NXPH1: variants seen among roughly 807,000 people sequenced by gnomAD.
The protein encoded by NXPH1 is neurexophilin-1.
In NXPH1, 5 loss-of-function variants were observed where a neutral mutation model predicts 23.7. The observed-to-expected ratio is 0.21, with a 90% confidence interval of 0.11 to 0.44. The LOEUF (loss-of-function observed/expected upper bound fraction) is 0.44. NXPH1 is among the 20% of genes least tolerant of loss of function. The pLI is 0.99. For synonymous variants in NXPH1, 144 were observed against 122.2 expected (o/e 1.18, Z -1.18); for missense variants, 324 against 321.6 (o/e 1.01, Z -0.06).
At chr7:8,619,191 G>A (rs997561580) in intron 2 of NXPH1, among the ~76,000 whole-genome samples, 1 of 152,018 alleles carries the variant, frequency 6.6e-6, no homozygotes, top group African/African-American at 2.4e-5. Context: ...TTTTGAGGTG[G>A]CGTGCATTTT....
chr7:8,621,644 C>T (rs1267289467), intron 2 of NXPH1, among the ~76,000 whole-genome samples: 8 of 152,014 alleles, frequency 5.3e-5, no homozygotes, highest in African/African-American at 1.4e-4. Flanking sequence ...TCTGGCACCA[C>T]GCCGGCTAAT....
intron 2 of NXPH1, among the ~76,000 whole-genome samples, chr7:8,480,299 T>G (rs117758658): frequency 6.6e-6 from 1 of 152,186 alleles, no homozygotes; most frequent in Non-Finnish European, 1.5e-5. Flanking sequence ...GATGGAATTT[T>G]TATTTTCTCT....
intron 2 of NXPH1, among the ~76,000 whole-genome samples, chr7:8,727,365 G>T (rs1370386646): frequency 1.4e-5 from 2 of 139,674 alleles, no homozygotes; most frequent in South Asian, 2.4e-4. Flanking sequence ...GTCAATTTTG[G>T]CTTTTGTTGC....
rs561982192 is a variant in NXPH1, at chr7:8,570,758, G to A, written c.54+134991G>A. On this transcript the variant is annotated intron_variant, in intron 2 of 2. Coordinates refer to ENST00000405863, the MANE Select transcript of NXPH1 (RefSeq NM_152745.3). ...TTCAGGAGCAGAGAGAAGTGGAGTAGGGTTAGAGTTTAAAATGTGGGTCTT... is the reference window on the plus strand; with the variant it reads ...TTCAGGAGCAGAGAGAAGTGGAGTAAGGTTAGAGTTTAAAATGTGGGTCTT... Among the ~76,000 whole-genome samples the A allele has an allele frequency of 8.4e-4, 128 of 151,996 alleles. 1 individual carries two copies. Among genetic ancestry groups the A allele is most frequent in the African/African-American group, 2.9e-3 (121 of 41,522 alleles).
Position 8,545,980 on chromosome 7 carries a change from C to G in NXPH1, c.54+110213C>G, listed in dbSNP as rs185327337. Among the ~76,000 whole-genome samples the G allele has an allele frequency of 4.5e-3, 684 of 151,600 alleles. 1 individual carries two copies. Among genetic ancestry groups the G allele is most frequent in the Admixed American group, 7.4e-3 (112 of 15,210 alleles). ...TGCTCACAGTGGGTAGAGAGACCAG[C>G]TGTTGTACTTTTGATTTCACCGTAA... On this transcript the variant is annotated intron_variant, in intron 2 of 2. Transcript: ENST00000405863.
intron 2 of NXPH1, among the ~76,000 whole-genome samples, chr7:8,667,547 T>C (rs1820792066): frequency 6.6e-6 from 1 of 152,110 alleles, no homozygotes; most frequent in South Asian, 2.1e-4. Flanking sequence ...TTCTGTGAAA[T>C]CTGATTCTAG....
rs533507251 is a variant in NXPH1 at position 8,669,335 on chromosome 7, C to T, written c.55-81673C>T. Among the ~76,000 whole-genome samples, 15 of 152,046 alleles carry T rather than the reference C, an allele frequency of 9.9e-5. No individual in the cohort carries two copies. In the South Asian group the frequency reaches 2.3e-3, roughly 23 times the overall value. ...GTGCTGGTCTGAAACCTGGGGTAGT[C>T]GTGGAGACCAAAGGGCCTGGCCTAG... On this transcript the variant is annotated intron_variant, in intron 2 of 2. Transcript: ENST00000405863.
At chr7:8,517,971 T>C (rs1276325080) in intron 2 of NXPH1, among the ~76,000 whole-genome samples, 2 of 152,134 alleles carry the variant, frequency 1.3e-5, no homozygotes, top group African/African-American at 2.4e-5. Context: ...TTTCCACCAC[T>C]GCAATATTCA....
intron 2 of NXPH1, among the ~76,000 whole-genome samples, chr7:8,583,206 T>G (rs1379025399): frequency 2.2e-4 from 34 of 152,224 alleles, no homozygotes; most frequent in Non-Finnish European, 2.9e-5. Context: ...CCAATCTGTA[T>G]ATCTATTATG....
At chr7:8,649,689 A>C (rs1820459739) in intron 2 of NXPH1, among the ~76,000 whole-genome samples, 1 of 152,180 alleles carries the variant, frequency 6.6e-6, no homozygotes, top group Non-Finnish European at 1.5e-5. Context: ...TGGAGTTTGA[A>C]GTTTAGCAGA....
chr7:8,531,348 A>G lies in NXPH1; in HGVS notation c.54+95581A>G, dbSNP rs1817946435. On this transcript the variant is annotated intron_variant, in intron 2 of 2. Transcript: ENST00000405863. ...ACTTAGTGTGATGTACTACATAATA[A>G]TGTCATACTCTATTTGTTGAATGAA... 2.0e-5 allele frequency among the ~76,000 whole-genome samples: 3 copies of G among 152,224 alleles called. 1 individual carries two copies. Among genetic ancestry groups the G allele is most frequent in the Admixed American group, 2.0e-4 (3 of 15,280 alleles).
chr7:8,586,992 A>G (rs1818992841), intron 2 of NXPH1, among the ~76,000 whole-genome samples: 2 of 152,184 alleles, frequency 1.3e-5, no homozygotes, highest in Admixed American at 1.3e-4. Flanking sequence ...GATAATTATT[A>G]GATAATCATA....
chr7:8,554,110 A>G (rs758585277), intron 2 of NXPH1, among the ~76,000 whole-genome samples: 7 of 151,668 alleles, frequency 4.6e-5, no homozygotes, highest in South Asian at 2.1e-4. Context: ...AGAGCTAAGT[A>G]AGATCTTGGT....
At chr7:8,643,323 A>C (rs1327749989) in intron 2 of NXPH1, among the ~76,000 whole-genome samples, 1 of 152,108 alleles carries the variant, frequency 6.6e-6, no homozygotes, top group Non-Finnish European at 1.5e-5. Flanking sequence ...GTAATTTTGC[A>C]TTCTTTGGAA....
intron 2 of NXPH1, among the ~76,000 whole-genome samples, chr7:8,691,966 G>A (rs1230291413): frequency 6.6e-6 from 1 of 152,050 alleles, no homozygotes; most frequent in Non-Finnish European, 1.5e-5. Flanking sequence ...TGAGTGACAA[G>A]GGGCACTAGT....
intron 2 of NXPH1, among the ~76,000 whole-genome samples, chr7:8,657,087 C>T (rs1820596340): frequency 6.6e-6 from 1 of 152,162 alleles, no homozygotes; most frequent in Non-Finnish European, 1.5e-5. Flanking sequence ...ATAGGATATA[C>T]AGTTTTAGCT....
At chr7:8,575,066 G>A (rs1349657465) in intron 2 of NXPH1, among the ~76,000 whole-genome samples, 1 of 152,200 alleles carries the variant, frequency 6.6e-6, no homozygotes, top group African/African-American at 2.4e-5. Context: ...TATTATGTTT[G>A]ACTCTGACAT....
intron 2 of NXPH1, among the ~76,000 whole-genome samples, chr7:8,550,957 G>T (rs1818267505): frequency 6.6e-6 from 1 of 151,240 alleles, no homozygotes; most frequent in South Asian, 2.1e-4. Flanking sequence ...CTTGAGTCCT[G>T]GAATTTTAAA....
chr7:8,722,753 G>A (rs1398758674), intron 2 of NXPH1, among the ~76,000 whole-genome samples: 2 of 152,128 alleles, frequency 1.3e-5, no homozygotes, highest in African/African-American at 4.8e-5. Flanking sequence ...AAGAGGAGTG[G>A]GCTGGATGGT....
Sources: allele counts gnomAD v4.1 joint callset (sites outside exome capture counted in the v4.1 genomes callset), GRCh38; gene constraint gnomAD v4.1.1; transcripts MANE v1.5; gene names NCBI Gene and HGNC (gene_info 2026-07-23, HGNC 2026-07-21).